The following PIP5K1B variants were observed in gnomAD, a reference collection of about 807,000 sequenced individuals.
PIP5K1B encodes the protein phosphatidylinositol 4-phosphate 5-kinase type-1 beta.
PIP5K1B carries 42 observed loss-of-function variants against 67.0 expected under a neutral mutation model. The observed-to-expected ratio is 0.63, with a 90% CI of 0.49 to 0.81. PIP5K1B has a LOEUF of 0.81. PIP5K1B is among the 30% of genes least tolerant of loss of function. The pLI, the probability that PIP5K1B is intolerant of heterozygous loss-of-function variation, is 0.00. For synonymous variants in PIP5K1B, 214 were observed against 231.4 expected (o/e 0.92, Z 0.68); for missense variants, 459 against 646.3 (o/e 0.71, Z 3.14).
At chr9:68,724,477 C>T (rs1025714557) in intron 1 of PIP5K1B, among the ~76,000 whole-genome samples, 5 of 151,992 alleles carry the variant, frequency 3.3e-5, no homozygotes, top group Admixed American at 1.3e-4. Flanking sequence ...CTCCGTATAG[C>T]GATGTGCAGA....
chr9:68,715,182 C>A (rs970697477), intron 1 of PIP5K1B, among the ~76,000 whole-genome samples: 12 of 152,204 alleles, frequency 7.9e-5, no homozygotes, highest in African/African-American at 2.9e-4. Context: ...TAACAGGAAC[C>A]AGTTGACATG....
intron 14 of PIP5K1B, among the ~76,000 whole-genome samples, chr9:68,965,231 G>T (rs1030917265): frequency 2.0e-5 from 3 of 147,288 alleles, no homozygotes; most frequent in African/African-American, 7.5e-5. Flanking sequence ...CTAGTACAAT[G>T]AATAGAATAT....
intron 3 of PIP5K1B, among the ~76,000 whole-genome samples, chr9:68,820,391 G>A (rs1833677778): frequency 6.6e-6 from 1 of 152,076 alleles, no homozygotes; most frequent in Non-Finnish European, 1.5e-5. Context: ...ATTCTAACAC[G>A]GACAGATTAA....
At chr9:68,731,700 TAGAC>T (rs1286296600) in intron 1 of PIP5K1B, among the ~76,000 whole-genome samples, 5 of 152,136 alleles carry the variant, frequency 3.3e-5, no homozygotes, top group South Asian at 2.1e-4. Context: ...TGGCTGGAGT[TAGAC>T]AGCCTTAGGA....
intron 2 of PIP5K1B, among the ~76,000 whole-genome samples, chr9:68,800,408 C>T (rs1014027915): frequency 6.6e-6 from 1 of 152,180 alleles, no homozygotes; most frequent in Admixed American, 6.5e-5. Flanking sequence ...ATGAGTAATC[C>T]AGTTTTCCTT....
intron 5 of PIP5K1B, among the ~76,000 whole-genome samples, chr9:68,870,639 A>G (rs1189956978): frequency 6.6e-6 from 1 of 152,216 alleles, no homozygotes; most frequent in Non-Finnish European, 1.5e-5. Flanking sequence ...AAGACTGGGT[A>G]CCATCAGTAG....
At chr9:68,758,660 A>T (rs1226105932) in intron 2 of PIP5K1B, among the ~76,000 whole-genome samples, 1 of 152,072 alleles carries the variant, frequency 6.6e-6, no homozygotes, top group Non-Finnish European at 1.5e-5. Flanking sequence ...TGGCATCAGA[A>T]CCCCAGGAAA....
At chr9:68,836,042 C>T (rs1423254134) in intron 4 of PIP5K1B, among the ~76,000 whole-genome samples, 1 of 151,978 alleles carries the variant, frequency 6.6e-6, no homozygotes, top group Admixed American at 6.6e-5. Flanking sequence ...AAGTGCCACC[C>T]TCTTGAAGGA....
rs868039245 is a variant in PIP5K1B at position 68,878,253 on chromosome 9, T to C, written c.318+1459T>C. On this transcript the variant is annotated intron_variant, in intron 6 of 15. Coordinates refer to ENST00000265382, the MANE Select transcript of PIP5K1B (RefSeq NM_003558.4). ...CTTCTCACCAGCTGAAGAGATGCCT[T>C]AGACTTGCGTTTCACACTGTTGATC... 3.0e-4 allele frequency among the ~76,000 whole-genome samples: 46 copies of C among 152,326 alleles called. No individual in the cohort carries two copies. The Middle Eastern group carries it at 0.014, about 45-fold the overall frequency.
chr9:68,815,524 T>C (rs1340107848), intron 2 of PIP5K1B, among the ~76,000 whole-genome samples: 1 of 152,068 alleles, frequency 6.6e-6, no homozygotes, highest in African/African-American at 2.4e-5. Flanking sequence ...AAGACAATGT[T>C]ATGTTCAGGT....
intron 1 of PIP5K1B, among the ~76,000 whole-genome samples, chr9:68,729,682 T>C (rs1260010031): frequency 6.6e-6 from 1 of 152,118 alleles, no homozygotes; most frequent in Non-Finnish European, 1.5e-5. Context: ...AGGACCAACA[T>C]AGACAAAAGT....
intron 2 of PIP5K1B, among the ~76,000 whole-genome samples, chr9:68,815,122 A>G (rs1285631781): frequency 1.3e-5 from 2 of 152,150 alleles, no homozygotes; most frequent in African/African-American, 4.8e-5. Context: ...CTTCTTATAG[A>G]TGATTCCTGG....
In PIP5K1B at chr9:68,789,367, A is replaced by C. The variant is rs1831827171; in HGVS notation, c.-85-29094A>C. 13 of 389,344 alleles carry C rather than the reference A, an allele frequency of 3.3e-5. 1 individual carries two copies. The highest frequency in any genetic ancestry group is 2.8e-4 in the South Asian group (13 of 45,894). 24.1% of individuals were successfully genotyped at this position (389,344 alleles called of 1,614,324 possible). A position where few individuals can be genotyped will look rare whatever the true frequency, so the allele number is the denominator to read the frequency against. The stretch of plus-strand genomic sequence containing the variant: ...ATAAATCACAATCACATTGTCCTTC[A>C]TCACTAATTCTGAACAGACTCCAAC... On this transcript the variant is annotated intron_variant, in intron 2 of 15. Coordinates refer to ENST00000265382, the MANE Select transcript of PIP5K1B (RefSeq NM_003558.4).
rs1328858584 is a variant in PIP5K1B at position 68,917,528 on chromosome 9, T to C, written c.772-20T>C. On this transcript the variant is annotated intron_variant, in intron 8 of 15. Transcript: ENST00000265382. The stretch of plus-strand genomic sequence containing the variant: ...CAGGCCTTTGGGTTGACTGGCTTCC[T>C]GGTTCTTTTTCTCATTCAGGTGCTA... 6.3e-7 allele frequency: 1 copy of C among 1,594,872 alleles called. No homozygotes were observed. Among genetic ancestry groups the C allele is most frequent in the South Asian group, 1.1e-5 (1 of 90,638 alleles).
chr9:68,741,584 C>T (rs957316330), intron 1 of PIP5K1B: 30 of 152,324 alleles, frequency 2.0e-4, no homozygotes, highest in African/African-American at 6.5e-4. Context: ...CAAATCGTCT[C>T]GAAAGCCCAC....
At chr9:68,748,911 C>T (rs757548721) in intron 2 of PIP5K1B, among the ~76,000 whole-genome samples, 6 of 152,040 alleles carry the variant, frequency 3.9e-5, no homozygotes, top group Non-Finnish European at 5.9e-5. Context: ...CGCACTCGGC[C>T]AGGTTTCAGA....
chr9:68,717,213 A>G (rs760770434), intron 1 of PIP5K1B, among the ~76,000 whole-genome samples: 5 of 152,210 alleles, frequency 3.3e-5, no homozygotes, highest in Non-Finnish European at 5.9e-5. Flanking sequence ...ACAAACCTGC[A>G]TGTGTAACCC....
At chr9:68,921,940 TGA>T (rs1826426751) in intron 11 of PIP5K1B, among the ~76,000 whole-genome samples, 1 of 152,236 alleles carries the variant, frequency 6.6e-6, no homozygotes, top group Non-Finnish European at 1.5e-5. Context: ...TTATATATCA[TGA>T]ACCTATTTTT....
At chr9:68,949,049 CA>C (rs1403161260) in intron 14 of PIP5K1B, among the ~76,000 whole-genome samples, 4 of 150,360 alleles carry the variant, frequency 2.7e-5, no homozygotes, top group African/African-American at 9.8e-5. Context: ...ATCATATTGC[CA>C]AAAAAAGTGG....
Sources: allele counts gnomAD v4.1 joint callset (sites outside exome capture counted in the v4.1 genomes callset), GRCh38; gene constraint gnomAD v4.1.1; transcripts MANE v1.5; gene names NCBI Gene and HGNC (gene_info 2026-07-23, HGNC 2026-07-21).